PCDHGA12: variants seen among roughly 807,000 people sequenced by gnomAD.
PCDHGA12 encodes protocadherin gamma-A12.
Under a neutral mutation model 61.1 loss-of-function variants are expected in PCDHGA12, and 43 were observed. The ratio of observed to expected loss-of-function variants is 0.70; its 90% CI spans 0.55 to 0.91. PCDHGA12 has a LOEUF of 0.91. Among genes scored for constraint, PCDHGA12 ranks in the 40% least tolerant of loss-of-function variants. PCDHGA12 has a pLI of 0.00. For missense variants in PCDHGA12, 1,236 were observed against 1,227.7 expected, an observed-to-expected ratio of 1.01 and a Z score of -0.10; for synonymous variants, 520 against 542.9, an observed-to-expected ratio of 0.96 and a Z score of 0.59.
chr5:141,442,720 T>C (rs941034636), intron 1 of PCDHGA12, among the ~76,000 whole-genome samples: 1 of 152,202 alleles, frequency 6.6e-6, no homozygotes, highest in Non-Finnish European at 1.5e-5. Flanking sequence ...GCCAGAGCAT[T>C]TGGGGCCTGT....
chr5:141,485,543 G>C lies in PCDHGA12; in HGVS notation c.2425-9264G>C. 1.9e-6 allele frequency: 3 copies of C among 1,614,092 alleles called. No homozygotes were observed. The highest frequency in any genetic ancestry group is 2.5e-6 in the Non-Finnish European group (3 of 1,179,972). On this transcript the variant is annotated intron_variant, in intron 1 of 3. Coordinates refer to ENST00000252085, the MANE Select transcript of PCDHGA12 (RefSeq NM_003735.3). This position sits in a 1 kb window ranked among gnomAD's most constrained non-coding sequence, Gnocchi z 5.7. Reference sequence around the variant, plus strand: ...AATGTACCGAGCAGAGGTAGAGATCGTAGATGTGAATGATCACGCCCCCCG... The same window carrying C: ...AATGTACCGAGCAGAGGTAGAGATCCTAGATGTGAATGATCACGCCCCCCG...
intron 2 of PCDHGA12, among the ~76,000 whole-genome samples, chr5:141,502,828 G>T (rs928458403): frequency 6.6e-6 from 1 of 150,704 alleles, no homozygotes; most frequent in Non-Finnish European, 1.5e-5. Context: ...CCTTGGGGAA[G>T]CCTGGACTGG....
intron 1 of PCDHGA12, among the ~76,000 whole-genome samples, chr5:141,454,658 G>A (rs961640658): frequency 7.2e-5 from 11 of 151,812 alleles, no homozygotes; most frequent in Admixed American, 6.6e-5. Context: ...TGCCCACCTC[G>A]GCCTCCCAAA....
Position 141,490,975 on chromosome 5 carries a change from C to T in PCDHGA12, c.2425-3832C>T. 1 of 1,614,056 alleles carries T rather than the reference C, an allele frequency of 6.2e-7. No individual in the cohort carries two copies. Among genetic ancestry groups the T allele is most frequent in the African/African-American group, 1.3e-5 (1 of 75,070 alleles). ...CTGGGAACACTCAGCCCCCCAGCGT[C>T]TCCCTCGCTCTGCTCCTCCTGGCTC... On this transcript the variant is annotated intron_variant, in intron 1 of 3. Coordinates refer to ENST00000252085, the MANE Select transcript of PCDHGA12 (RefSeq NM_003735.3). This position sits in a 1 kb window ranked among gnomAD's most constrained non-coding sequence, Gnocchi z 5.4.
rs561817609 is a variant in PCDHGA12, at chr5:141,496,904, G to A, written c.2483+2039G>A. Among the ~76,000 whole-genome samples, 12 of 137,476 alleles carry A rather than the reference G, an allele frequency of 8.7e-5. 1 individual carries two copies. The South Asian group carries it at 2.0e-3, about 23-fold the overall frequency. The allele number at this position is 137,476 out of a possible 152,430, so 90.2% of individuals were successfully genotyped here. On this transcript the variant is annotated intron_variant, in intron 2 of 3. Transcript: ENST00000252085. ...AGTAACACTTAAAAAAAAAAAAAAA[G>A]GCTGGGCACTGTGGTTCACGCCTGT...
chr5:141,474,955 T>C (rs2099356879), intron 1 of PCDHGA12, among the ~76,000 whole-genome samples: 1 of 152,254 alleles, frequency 6.6e-6, no homozygotes, highest in African/African-American at 2.4e-5. Context: ...TTTTATTCAC[T>C]ATCCTAATCA....
chr5:141,439,162 C>T (rs1422780686), intron 1 of PCDHGA12, among the ~76,000 whole-genome samples: 1 of 149,498 alleles, frequency 6.7e-6, no homozygotes, highest in Non-Finnish European at 1.5e-5. Flanking sequence ...CACTGCACTC[C>T]AGCCTGGGCG....
At chr5:141,508,017 G>C (rs2099865601) in intron 3 of PCDHGA12, 1 of 152,310 alleles carries the variant, frequency 6.6e-6, no homozygotes, top group Non-Finnish European at 1.5e-5. Context: ...TCTCAAGGAG[G>C]CTGCGGTTTG....
chr5:141,509,179 C>T (rs895281717), intron 3 of PCDHGA12, among the ~76,000 whole-genome samples: 1 of 152,172 alleles, frequency 6.6e-6, no homozygotes, highest in African/African-American at 2.4e-5. Flanking sequence ...TCCTCTTATG[C>T]CGGCTTGAAA....
At chr5:141,455,225 C>CA (rs2098817003) in intron 1 of PCDHGA12, among the ~76,000 whole-genome samples, 2 of 151,666 alleles carry the variant, frequency 1.3e-5, no homozygotes, top group South Asian at 2.1e-4. Context: ...AATGCTTTGA[C>CA]AAAAAATGTT....
intron 1 of PCDHGA12, among the ~76,000 whole-genome samples, chr5:141,462,012 G>A (rs1046109009): frequency 9.9e-5 from 15 of 152,128 alleles, no homozygotes; most frequent in Admixed American, 5.9e-4. Context: ...TAATAGAGAC[G>A]GGGTTTCTTC....
At chr5:141,473,733 G>A (rs943072050) in intron 1 of PCDHGA12, among the ~76,000 whole-genome samples, 19 of 152,214 alleles carry the variant, frequency 1.2e-4, no homozygotes, top group Admixed American at 3.9e-4. Flanking sequence ...GAGAGAGGGA[G>A]AAGACATGAG....
At chr5:141,458,630 C>T (rs575289408) in intron 1 of PCDHGA12, among the ~76,000 whole-genome samples, 1 of 151,864 alleles carries the variant, frequency 6.6e-6, no homozygotes, top group Admixed American at 6.6e-5. Flanking sequence ...AGTGCAGTGG[C>T]ACAATCCCAG....
At chr5:141,442,472 C>A (rs1032989256) in intron 1 of PCDHGA12, 4 of 152,204 alleles carry the variant, frequency 2.6e-5, no homozygotes, top group African/African-American at 9.7e-5. Flanking sequence ...GCAGAAAGCC[C>A]CTTGGGGAAG....
At chr5:141,483,640 G>T (rs1406049976) in intron 1 of PCDHGA12, among the ~76,000 whole-genome samples, 3 of 144,232 alleles carry the variant, frequency 2.1e-5, no homozygotes, top group Non-Finnish European at 4.5e-5. Flanking sequence ...GTATAGAGGG[G>T]TGTGTGTTTG....
intron 1 of PCDHGA12, among the ~76,000 whole-genome samples, chr5:141,450,616 A>G (rs2098687684): frequency 6.6e-6 from 1 of 151,486 alleles, no homozygotes; most frequent in African/African-American, 2.4e-5. Flanking sequence ...CCTCCTGAGT[A>G]GCTGGGATTA....
intron 1 of PCDHGA12, chr5:141,441,396 C>T (rs2098244328): frequency 6.5e-6 from 1 of 154,724 alleles, no homozygotes; most frequent in Admixed American, 6.5e-5. Flanking sequence ...GGTATAACAT[C>T]AGCATCACTG....
chr5:141,470,037 G>A lies in PCDHGA12; in HGVS notation c.2425-24770G>A, dbSNP rs76537989. Among the ~76,000 whole-genome samples the A allele has an allele frequency of 2.3e-3, 347 of 152,258 alleles. 6 individuals are homozygous for A. The East Asian group carries it at 0.048, about 21-fold the overall frequency. On this transcript the variant is annotated intron_variant, in intron 1 of 3. Transcript: ENST00000252085. ...CCAGCTACTCGGGATGCTGAGGCGC[G>A]AGAACTGTTTGAACCCCGGAGGCAG...
In PCDHGA12 at chr5:141,490,363, C is replaced by T. The variant is rs779932482; in HGVS notation, c.2425-4444C>T. 10 of 1,614,036 alleles carry T rather than the reference C, an allele frequency of 6.2e-6. No individual in the cohort carries two copies. The highest frequency in any genetic ancestry group is 1.3e-5 in the African/African-American group (1 of 74,904). The stretch of plus-strand genomic sequence containing the variant: ...CACAGTAGTGGGGTTGTTTAATGTG[C>T]GAGACCGGGACTCAGGTAGAAATGG... On this transcript the variant is annotated intron_variant, in intron 1 of 3. Coordinates refer to ENST00000252085, the MANE Select transcript of PCDHGA12 (RefSeq NM_003735.3). The surrounding 1 kb of genome is among the most constrained non-coding windows in gnomAD (Gnocchi z 5.4).
Sources: gnomAD v4.1 joint callset for allele counts (sites outside exome capture counted in the v4.1 genomes callset) on GRCh38, gnomAD v4.1.1 for gene constraint, Gnocchi (gnomAD v3.1) non-coding constraint, MANE v1.5 for transcripts, NCBI Gene and HGNC (gene_info 2026-07-23, HGNC 2026-07-21) for gene names.